Variants in BOD1L1 observed in about 807,000 individuals in gnomAD.
BOD1L1 encodes the protein biorientation of chromosomes in cell division protein 1-like 1.
In BOD1L1, 86 loss-of-function variants were observed where a neutral mutation model predicts 240.7. The observed-to-expected ratio is 0.36, with a 90% CI of 0.30 to 0.43. The LOEUF (loss-of-function observed/expected upper bound fraction) is 0.43, where lower values mean the gene tolerates loss of function less well. Ranked by LOEUF, BOD1L1 falls within the 20% of genes least tolerant of loss-of-function variation. The pLI is 1.00. For missense variants in BOD1L1, 3,554 were observed against 3,643.5 expected (o/e 0.98, Z 0.63); for synonymous variants, 1,268 against 1,272.3 (o/e 1.00, Z 0.07).
chr4:13,612,860 T>C (rs968175930), intron 5 of BOD1L1, among the ~76,000 whole-genome samples: 2 of 152,136 alleles, frequency 1.3e-5, no homozygotes, highest in African/African-American at 4.8e-5. Context: ...TCTGACTACA[T>C]GCTAGAGCCT....
intron 16 of BOD1L1, 132 bp downstream of exon 16, chr4:13,587,567 C>T: frequency 1.5e-6 from 1 of 669,584 alleles, no homozygotes; most frequent in Non-Finnish European, 2.5e-6. Context: ...AGTCTAGAAA[C>T]AAATTAGCCT....
At chr4:13,582,094 A>G in intron 19 of BOD1L1, 143 bp downstream of exon 19, 2 of 628,446 alleles carry the variant, frequency 3.2e-6, no homozygotes, top group Non-Finnish European at 2.8e-6. Context: ...AATGCACTGT[A>G]TGAAATGGTG....
At position 13,602,558 on chromosome 4, in the gene BOD1L1, T is replaced by C. The variant is rs17745676; in HGVS notation, c.4342A>G (p.Thr1448Ala). Residue 1448 changes from threonine (T) to alanine (A), a missense_variant, in exon 10 of 26, where the codon ACA (threonine) becomes GCA (alanine). Around this residue, in one of 2 missense-constraint regions of BOD1L1, gnomAD observed 3,393 missense variants for 3,427.1 expected, o/e 0.99. Coordinates refer to ENST00000040738, the MANE Select transcript of BOD1L1 (RefSeq NM_148894.3). The part of the protein sequence containing the change: ...IAVDHVVGLN[T>A]EKYAETVKLK... ...TTGACAGTTTCAGCATATTTTTCTG[T>C]ATTCAGGCCTACAACATGATCAACA... 240,605 of 1,613,860 alleles carry C rather than the reference T, an allele frequency of 0.15. 19,072 individuals carry two copies. The highest frequency in any genetic ancestry group is 0.21 in the South Asian group (18,816 of 91,078).
chr4:13,585,518 A>G (rs1356932080), intron 17 of BOD1L1, among the ~76,000 whole-genome samples: 1 of 152,138 alleles, frequency 6.6e-6, no homozygotes, highest in African/African-American at 2.4e-5. Context: ...ACAACAAGAG[A>G]CGGCAGAACA....
intron 12 of BOD1L1, among the ~76,000 whole-genome samples, chr4:13,594,021 G>A (rs993135352): frequency 2.0e-5 from 3 of 152,148 alleles, no homozygotes; most frequent in Non-Finnish European, 4.4e-5. Context: ...TAAAAGTAGA[G>A]GCTATGAATG....
At chr4:13,618,054 C>T (rs1170108372) in intron 2 of BOD1L1, among the ~76,000 whole-genome samples, 2 of 152,164 alleles carry the variant, frequency 1.3e-5, no homozygotes. Context: ...TGACCTCGCA[C>T]CAAACATGAT....
chr4:13,585,924 G>A (rs1464271574), intron 17 of BOD1L1, among the ~76,000 whole-genome samples: 1 of 152,152 alleles, frequency 6.6e-6, no homozygotes, highest in East Asian at 1.9e-4. Context: ...ATGCGGAACC[G>A]TGAGTCAATT....
intron 14 of BOD1L1, among the ~76,000 whole-genome samples, chr4:13,589,576 G>C (rs552448433): frequency 1.3e-5 from 2 of 152,176 alleles, no homozygotes; most frequent in African/African-American, 4.8e-5. Flanking sequence ...AGGCAACATA[G>C]GTTACATATT....
intron 15 of BOD1L1, among the ~76,000 whole-genome samples, chr4:13,588,185 CAAAA>C (rs201474701): frequency 1.6e-4 from 12 of 76,484 alleles, no homozygotes; most frequent in African/African-American, 5.3e-4. Context: ...GAGACTGTTT[CAAAA>C]AAAAAAAAAA....
Position 13,577,476 on chromosome 4 carries a change from T to G in BOD1L1, c.8811A>C (p.Glu2937Asp), listed in dbSNP as rs772448993. The part of the protein sequence containing the change: ...QERSISNDDG[E>D]EKIVTSVRRR... ...GACGCACACTTGTTACTATTTTTTC[T>G]TCACCATCATCCTAGAAGCAATAAA... The change falls in exon 24 of 26, where the codon GAA becomes GAC. Residue 2937 changes from glutamate to aspartate, a missense_variant. Physicochemically the swap from Glu to Asp is conservative, Grantham distance 45. Around this residue, in one of 2 missense-constraint regions of BOD1L1, gnomAD observed 3,393 missense variants for 3,427.1 expected, o/e 0.99. Coordinates refer to ENST00000040738, the MANE Select transcript of BOD1L1 (RefSeq NM_148894.3). The G allele has an allele frequency of 7.4e-6, 12 of 1,613,522 alleles. No individual in the cohort carries two copies. Among genetic ancestry groups the G allele is most frequent in the Admixed American group, 5.0e-5 (3 of 59,986 alleles).
chr4:13,619,016 A>G (rs1489900523), intron 2 of BOD1L1, among the ~76,000 whole-genome samples: 2 of 152,126 alleles, frequency 1.3e-5, no homozygotes, highest in Non-Finnish European at 2.9e-5. Context: ...GTCTTTGCAA[A>G]TATTTACATT....
chr4:13,613,677 A>G lies in BOD1L1; in HGVS notation c.1175-16T>C. ...AAAGAGAAATCTTCAAGCGGAAAAT[A>G]AAACACAGAAAAAAAAATCATCTTA... On this transcript the variant is annotated splice_polypyrimidine_tract_variant and intron_variant, in intron 4 of 25. Transcript: ENST00000040738. This position sits in a 1 kb window ranked among gnomAD's most constrained non-coding sequence, Gnocchi z 4.0. The G allele has an allele frequency of 1.3e-6, 2 of 1,494,658 alleles. No individual in the cohort carries two copies. Among genetic ancestry groups the G allele is most frequent in the Non-Finnish European group, 1.8e-6 (2 of 1,110,546 alleles). 92.6% of individuals were successfully genotyped at this position (1,494,658 alleles called of 1,614,324 possible). A position where few individuals can be genotyped will look rare whatever the true frequency, so the allele number is the denominator to read the frequency against.
chr4:13,598,833 A>AT (rs780449962), intron 10 of BOD1L1, 113 bp downstream of exon 10: 4 of 1,132,140 alleles, frequency 3.5e-6, no homozygotes, highest in Non-Finnish European at 4.9e-6. Flanking sequence ...AAATTTATAG[A>AT]TATTTTATCT....
rs767564968 is a variant in BOD1L1, at chr4:13,599,768, G to T, written c.7132C>A (p.Leu2378Ile). 3.7e-6 allele frequency: 6 copies of T among 1,613,870 alleles called. No homozygotes were observed. In the Admixed American group the frequency reaches 1.0e-4, roughly 27 times the overall value. ...CACCGACAGTTATTCTCAGCAATTA[G>T]GCTGGGCATGGGGACCTTGTGCTTG... ...VSKHKVPMPSLIAENNCRCPG... is the reference protein window; with the variant it reads ...VSKHKVPMPSIIAENNCRCPG... Residue 2378 changes from leucine to isoleucine, a missense_variant, in exon 10 of 26, where the codon CTA (leucine) becomes ATA (isoleucine). Coordinates refer to ENST00000040738, the MANE Select transcript of BOD1L1 (RefSeq NM_148894.3).
Position 13,627,507 on chromosome 4 carries a change from C to CGGCGGT in BOD1L1, c.75_80dup (p.Pro29_Pro30dup), listed in dbSNP as rs2109010588. The CGGCGGT allele has an allele frequency of 2.9e-6, 3 of 1,019,660 alleles. No individual in the cohort carries two copies. The highest frequency in any genetic ancestry group is 3.5e-6 in the Non-Finnish European group (3 of 852,822). The allele number at this position is 1,019,660 out of a possible 1,614,324, so 63.2% of individuals were successfully genotyped here. ...GGCCAGCCCCGGGGCCCGGCGGCGG[C>CGGCGGT]GGCGGTGGCTGCGGCTGCGGCTGCG... On this transcript the variant is annotated inframe_insertion, in exon 1 of 26. Transcript: ENST00000040738.
At chr4:13,626,728 C>T (rs184029823) in intron 1 of BOD1L1, among the ~76,000 whole-genome samples, 1 of 152,288 alleles carries the variant, frequency 6.6e-6, no homozygotes, top group African/African-American at 2.4e-5. Context: ...ACCTCTCCTG[C>T]ATCTTTTCTC....
chr4:13,597,170 TA>T lies in BOD1L1; in HGVS notation c.7955-3del. On this transcript the variant is annotated splice_polypyrimidine_tract_variant and splice_region_variant and intron_variant, in intron 10 of 25. Transcript: ENST00000040738. The stretch of plus-strand genomic sequence containing the variant: ...CATTCAATGGAGACTCTTCATTGCC[TA>T]ATAAAATTCAAGCCATTTAGTACAG... 6.3e-7 allele frequency: 1 copy of T among 1,588,962 alleles called. No homozygotes were observed.
At position 13,609,275 on chromosome 4, in the gene BOD1L1, T is replaced by C. The variant is rs1221555042; in HGVS notation, c.1603+20A>G. 2 of 1,381,164 alleles carry C rather than the reference T, an allele frequency of 1.4e-6. No individual in the cohort carries two copies. Among genetic ancestry groups the C allele is most frequent in the East Asian group, 5.3e-5 (2 of 37,666 alleles). 85.6% of individuals were successfully genotyped at this position (1,381,164 alleles called of 1,614,324 possible). A position where few individuals can be genotyped will look rare whatever the true frequency, so the allele number is the denominator to read the frequency against. On this transcript the variant is annotated intron_variant, in intron 7 of 25. Coordinates refer to ENST00000040738, the MANE Select transcript of BOD1L1 (RefSeq NM_148894.3). ...GAAATATATGAGATAGTTTAAAATA[T>C]TAAAAGTTGACATCTATACCTTGAC...
At chr4:13,607,456 G>A (rs1715800928) in intron 8 of BOD1L1, among the ~76,000 whole-genome samples, 1 of 152,102 alleles carries the variant, frequency 6.6e-6, no homozygotes, top group Admixed American at 6.6e-5. Flanking sequence ...ACGCCACAAT[G>A]CCTGGCTAAT....
Sources: allele counts gnomAD v4.1 joint callset (sites outside exome capture counted in the v4.1 genomes callset), GRCh38; gene constraint gnomAD v4.1.1; regional missense constraint gnomAD v4.1.1; non-coding constraint Gnocchi (gnomAD v3.1); transcripts MANE v1.5; gene names NCBI Gene and HGNC (gene_info 2026-07-23, HGNC 2026-07-21).